Variants in CDKL2 observed in about 807,000 individuals in gnomAD.
CDKL2 encodes the protein cyclin dependent kinase like 2.
In CDKL2, 64 loss-of-function variants were observed where a neutral mutation model predicts 63.9. The ratio of observed to expected loss-of-function variants is 1.00; its 90% CI spans 0.82 to 1.23. The LOEUF (loss-of-function observed/expected upper bound fraction) is 1.23, where lower values mean the gene tolerates loss of function less well. Among genes scored for constraint, CDKL2 ranks in the 50% most tolerant of loss-of-function variants. The pLI, the probability that CDKL2 is intolerant of heterozygous loss-of-function variation, is 0.00. For missense variants in CDKL2, 656 were observed against 668.0 expected (o/e 0.98, Z 0.20); for synonymous variants, 211 against 229.2 (o/e 0.92, Z 0.72).
chr4:75,599,569 AAGAAACTACCACTGT>A (rs1448747696), intron 7 of CDKL2, among the ~76,000 whole-genome samples: 1 of 151,122 alleles, frequency 6.6e-6, no homozygotes, highest in Non-Finnish European at 1.5e-5. Context: ...AAAAAAAAAA[AAGAAACTACCACTGT>A]CAAGTTTTGC....
chr4:75,628,211 G>A (rs941034012), intron 1 of CDKL2, among the ~76,000 whole-genome samples: 11 of 151,534 alleles, frequency 7.3e-5, no homozygotes, highest in African/African-American at 2.7e-4. Context: ...CGCCTCCCGG[G>A]TCCACGCCAT....
At chr4:75,599,077 A>G (rs1227972242) in intron 7 of CDKL2, among the ~76,000 whole-genome samples, 2 of 152,230 alleles carry the variant, frequency 1.3e-5, no homozygotes, top group African/African-American at 4.8e-5. Context: ...CAAGAAATAT[A>G]TCAATATTTT....
At chr4:75,624,625 C>T (rs1487455717) in intron 2 of CDKL2, among the ~76,000 whole-genome samples, 2 of 150,464 alleles carry the variant, frequency 1.3e-5, no homozygotes, top group Non-Finnish European at 1.5e-5. Context: ...CTGAGGTGGG[C>T]GGATCATGAG....
chr4:75,587,069 C>G (rs1170599608), intron 12 of CDKL2, among the ~76,000 whole-genome samples: 1 of 152,128 alleles, frequency 6.6e-6, no homozygotes, highest in African/African-American at 2.4e-5. Context: ...AATTGACAAA[C>G]TCCTAACTAT....
At chr4:75,624,199 G>A (rs557214302) in intron 2 of CDKL2, among the ~76,000 whole-genome samples, 17 of 150,924 alleles carry the variant, frequency 1.1e-4, no homozygotes, top group East Asian at 1.9e-4. Flanking sequence ...CTATGGAAAC[G>A]CTAACCAAAA....
intron 7 of CDKL2, among the ~76,000 whole-genome samples, chr4:75,599,548 CAAAAAAAAAAAA>C (rs71657365): frequency 1.0e-4 from 7 of 69,656 alleles, no homozygotes; most frequent in African/African-American, 3.9e-4. Context: ...GCAACAAGAG[CAAAAAAAAAAAA>C]AAAAAAAAAA....
At chr4:75,611,278 G>C (rs1178799304) in intron 3 of CDKL2, among the ~76,000 whole-genome samples, 1 of 152,056 alleles carries the variant, frequency 6.6e-6, no homozygotes, top group Admixed American at 6.6e-5. Flanking sequence ...GGCCAACATG[G>C]CGAAACCCCA....
Position 75,626,022 on chromosome 4 carries a change from GA to G in CDKL2, c.-29-6del. The stretch of plus-strand genomic sequence containing the variant: ...AAAGTCCGTAGAAACTTTTTGCTGT[GA>G]AAACCAAAACATAGATTTAACAAAG... On this transcript the variant is annotated splice_region_variant and splice_polypyrimidine_tract_variant and intron_variant, in intron 1 of 13. Transcript: ENST00000307465. The G allele has an allele frequency of 6.4e-6, 10 of 1,569,370 alleles. No homozygotes were observed. Among genetic ancestry groups the G allele is most frequent in the Non-Finnish European group, 8.7e-6 (10 of 1,153,290 alleles).
Position 75,592,240 on chromosome 4 carries a change from T to C in CDKL2, c.1446A>G (p.Ala482=). 6.5e-7 allele frequency: 1 copy of C among 1,533,074 alleles called. No homozygotes were observed. Among genetic ancestry groups the C allele is most frequent in the Non-Finnish European group, 8.7e-7 (1 of 1,145,966 alleles). 95.0% of individuals were successfully genotyped at this position (1,533,074 alleles called of 1,614,324 possible). A position where few individuals can be genotyped will look rare whatever the true frequency, so the allele number is the denominator to read the frequency against. ...TGGAGTATTCTCTTCTTTTCTTACTTGCCCAAAAGAGGTTTTTTTCACTAG... is the reference window on the plus strand; with the variant it reads ...TGGAGTATTCTCTTCTTTTCTTACTCGCCCAAAAGAGGTTTTTTTCACTAG... ...LVSSEKNLFW[A]SKKRREYSRT... is the part of the protein sequence containing the mutation. Residue 482 remains alanine, a synonymous_variant, in exon 11 of 14, where the codon GCA becomes GCG. Transcript: ENST00000307465.
intron 5 of CDKL2, 127 bp from the exon 6 acceptor site, chr4:75,604,083 C>A: frequency 1.3e-6 from 1 of 798,436 alleles, no homozygotes. Context: ...TCTCAACATG[C>A]AAAATTGACC....
In CDKL2 at chr4:75,577,846, G is replaced by A. The variant is rs931110771; in HGVS notation, c.*1356C>T. Among the ~76,000 whole-genome samples the A allele has an allele frequency of 1.3e-5, 2 of 152,058 alleles. No homozygotes were observed. Among genetic ancestry groups the A allele is most frequent in the Non-Finnish European group, 2.9e-5 (2 of 67,994 alleles). On this transcript the variant is annotated 3_prime_UTR_variant, in exon 14 of 14. Transcript: ENST00000307465. ...ACCCCTTATTTGCCTCCTCTTGAAT[G>A]TCCTACTCTTTTGAGGCTTAAATAT...
chr4:75,605,616 G>A lies in CDKL2; in HGVS notation c.561C>T (p.Ala187=), dbSNP rs1213843305. 3 of 1,612,746 alleles carry A rather than the reference G, an allele frequency of 1.9e-6. No homozygotes were observed. The highest frequency in any genetic ancestry group is 1.7e-4 in the Middle Eastern group (1 of 6,060). Residue 187 remains alanine, a synonymous_variant, in exon 5 of 14, where the codon GCC becomes GCT. Transcript: ENST00000307465. ...ACATTTCAGTTACCAGACAACCAAT[G>A]GCCCACACATCAACAGCCCTGAAAG... The part of the protein sequence containing the change: ...VKYGKAVDVW[A]IGCLVTEMFM...
intron 10 of CDKL2, among the ~76,000 whole-genome samples, chr4:75,594,396 C>T (rs527969398): frequency 7.9e-5 from 12 of 151,302 alleles, no homozygotes; most frequent in Admixed American, 1.3e-4. Flanking sequence ...TGCAGTGAGC[C>T]GAGATCATGC....
At chr4:75,614,075 CA>C (rs1448093971) in intron 3 of CDKL2, among the ~76,000 whole-genome samples, 179 bp downstream of exon 3, 5 of 152,038 alleles carry the variant, frequency 3.3e-5, no homozygotes, top group Admixed American at 6.6e-5. Flanking sequence ...ACAAAACAAA[CA>C]AACAAAAAAC....
rs187623029 is a variant in CDKL2 at position 75,610,065 on chromosome 4, G to C, written c.364-2704C>G. Among the ~76,000 whole-genome samples, 631 of 152,096 alleles carry C rather than the reference G, an allele frequency of 4.1e-3. 5 individuals are homozygous for C. The highest frequency in any genetic ancestry group is 0.016 in the Admixed American group (250 of 15,270). ...AAAATACAAAAAATTAGCCAGGCGTGGTGGCAGGCGCCTGTAGTCCCAGCT... is the reference window on the plus strand; with the variant it reads ...AAAATACAAAAAATTAGCCAGGCGTCGTGGCAGGCGCCTGTAGTCCCAGCT... On this transcript the variant is annotated intron_variant, in intron 3 of 13. Coordinates refer to ENST00000307465, the MANE Select transcript of CDKL2 (RefSeq NM_001330724.2).
rs924923582 is a variant in CDKL2, at chr4:75,597,242, C to G, written c.1021-6G>C. 1 of 1,535,082 alleles carries G rather than the reference C, an allele frequency of 6.5e-7. No individual in the cohort carries two copies. The highest frequency in any genetic ancestry group is 8.9e-7 in the Non-Finnish European group (1 of 1,117,818). On this transcript the variant is annotated splice_region_variant and splice_polypyrimidine_tract_variant and intron_variant, in intron 8 of 13. Coordinates refer to ENST00000307465, the MANE Select transcript of CDKL2 (RefSeq NM_001330724.2). Reference sequence around the variant, plus strand: ...TTGGGATCAGCATTGGTATCCTGATCATTAACAAAAATATTAATAAGGTTA... The same window carrying G: ...TTGGGATCAGCATTGGTATCCTGATGATTAACAAAAATATTAATAAGGTTA...
chr4:75,580,989 C>T (rs560610011), intron 13 of CDKL2, among the ~76,000 whole-genome samples: 15 of 152,174 alleles, frequency 9.9e-5, no homozygotes, highest in African/African-American at 2.4e-4. Context: ...CGTGAGCCAC[C>T]GCGCCCAGCC....
At chr4:75,589,734 G>A (rs900378330) in intron 12 of CDKL2, among the ~76,000 whole-genome samples, 1 of 151,832 alleles carries the variant, frequency 6.6e-6, no homozygotes, top group African/African-American at 2.4e-5. Context: ...AACACTTCAC[G>A]TTTAATTGTC....
chr4:75,592,413 A>T, intron 10 of CDKL2, 144 bp from the exon 11 acceptor site: 1 of 553,164 alleles, frequency 1.8e-6, no homozygotes, highest in South Asian at 4.2e-5. Context: ...TTAATAATAC[A>T]AAAAAAATTC....
Sources: gnomAD v4.1 joint callset for allele counts (sites outside exome capture counted in the v4.1 genomes callset) on GRCh38, gnomAD v4.1.1 for gene constraint, MANE v1.5 for transcripts, NCBI Gene and HGNC (gene_info 2026-07-23, HGNC 2026-07-21) for gene names.